Variants in DOCK3 observed in about 807,000 individuals in gnomAD.
DOCK3 encodes dedicator of cytokinesis protein 3.
DOCK3 carries 60 observed loss-of-function variants against 265.6 expected under a neutral mutation model. That is an observed-to-expected ratio of 0.23 (90% CI 0.18 to 0.28). DOCK3 has a LOEUF of 0.28. Ranked by LOEUF, DOCK3 falls within the 10% of genes least tolerant of loss-of-function variation. The pLI, the probability that DOCK3 is intolerant of heterozygous loss-of-function variation, is 1.00. For synonymous variants in DOCK3, 881 were observed against 938.0 expected, an observed-to-expected ratio of 0.94 and a Z score of 1.11; for missense variants, 1,981 against 2,594.3, an observed-to-expected ratio of 0.76 and a Z score of 5.14.
intron 32 of DOCK3, among the ~76,000 whole-genome samples, chr3:51,318,440 A>G (rs1035762804): frequency 1.3e-5 from 2 of 152,156 alleles, no homozygotes; most frequent in South Asian, 2.1e-4. Context: ...TGAAAACAGT[A>G]TATCTTTCCA....
At chr3:51,309,548 C>T (rs1234788982) in intron 27 of DOCK3, among the ~76,000 whole-genome samples, 3 of 152,058 alleles carry the variant, frequency 2.0e-5, no homozygotes, top group Non-Finnish European at 4.4e-5. Flanking sequence ...AGTCCAGCTT[C>T]GGCTCGGCAT....
intron 12 of DOCK3, among the ~76,000 whole-genome samples, chr3:51,183,981 C>T (rs1324337896): frequency 1.3e-5 from 2 of 152,102 alleles, no homozygotes; most frequent in East Asian, 3.8e-4. Flanking sequence ...ATACCTAGAG[C>T]CTAGATCTTG....
At chr3:51,318,261 C>T (rs767942983) in intron 32 of DOCK3, among the ~76,000 whole-genome samples, 26 of 152,130 alleles carry the variant, frequency 1.7e-4, no homozygotes, top group Non-Finnish European at 2.9e-4. Flanking sequence ...TGCCTGTAAT[C>T]CCAGCTACTT....
At chr3:51,058,066 T>G (rs1244720727) in intron 5 of DOCK3, among the ~76,000 whole-genome samples, 3 of 152,186 alleles carry the variant, frequency 2.0e-5, no homozygotes, top group African/African-American at 7.2e-5. Flanking sequence ...AGTTGAGTAT[T>G]GGTAGGGGCT....
intron 12 of DOCK3, among the ~76,000 whole-genome samples, chr3:51,180,226 A>C (rs966418918): frequency 1.1e-5 from 1 of 91,282 alleles, no homozygotes. Flanking sequence ...AAAAAAAAAA[A>C]CACACACACA....
intron 44 of DOCK3, 98 bp from the exon 45 acceptor site, chr3:51,357,660 C>A: frequency 8.4e-7 from 1 of 1,185,132 alleles, no homozygotes; most frequent in Non-Finnish European, 1.2e-6. Context: ...GACAGCCTGG[C>A]TGCTTTTTAG....
At chr3:51,227,873 A>G in intron 16 of DOCK3, 109 bp from the exon 17 acceptor site, 1 of 1,072,284 alleles carries the variant, frequency 9.3e-7, no homozygotes, top group South Asian at 1.4e-5. Flanking sequence ...CCACCTAGTT[A>G]ATGAAAGAGG....
intron 1 of DOCK3, among the ~76,000 whole-genome samples, chr3:50,727,508 G>A (rs1446367154): frequency 1.3e-5 from 2 of 152,058 alleles, no homozygotes; most frequent in Admixed American, 1.3e-4. Context: ...GACCAGCTTG[G>A]CCAACATGGT....
chr3:50,877,310 T>C (rs977085313), intron 3 of DOCK3: 6 of 389,998 alleles, frequency 1.5e-5, no homozygotes, highest in African/African-American at 8.4e-5. Context: ...TTTCTAATGT[T>C]GTGCAATTTT....
At chr3:50,935,974 A>G (rs1161121958) in intron 5 of DOCK3, among the ~76,000 whole-genome samples, 2 of 152,234 alleles carry the variant, frequency 1.3e-5, no homozygotes, top group African/African-American at 4.8e-5. Flanking sequence ...ACAGATGCCA[A>G]TATTGAGATG....
intron 5 of DOCK3, among the ~76,000 whole-genome samples, chr3:50,977,719 G>T (rs913287521): frequency 2.0e-5 from 3 of 152,036 alleles, no homozygotes; most frequent in Non-Finnish European, 2.9e-5. Context: ...AGTTCTCCTG[G>T]AAAATATCCT....
At chr3:51,189,424 C>T in intron 12 of DOCK3, among the ~76,000 whole-genome samples, 1 of 152,030 alleles carries the variant, frequency 6.6e-6, no homozygotes, top group East Asian at 1.9e-4. Flanking sequence ...CCCACCCTCC[C>T]CTTTCTGAGT....
chr3:50,803,542 C>T (rs1352974623), intron 2 of DOCK3, among the ~76,000 whole-genome samples: 1 of 151,732 alleles, frequency 6.6e-6, no homozygotes, highest in Admixed American at 6.6e-5. Flanking sequence ...TTCCACTCAA[C>T]AAAACTGCCA....
intron 2 of DOCK3, among the ~76,000 whole-genome samples, chr3:50,827,822 T>C (rs1001306758): frequency 2.0e-5 from 3 of 152,190 alleles, no homozygotes; most frequent in Admixed American, 1.3e-4. Context: ...TCTCAACTTA[T>C]CCTTTCTTAT....
chr3:50,881,036 A>T (rs1481747209), intron 3 of DOCK3, among the ~76,000 whole-genome samples: 1 of 152,268 alleles, frequency 6.6e-6, no homozygotes, highest in African/African-American at 2.4e-5. Context: ...CCACATGATT[A>T]TCTCAATAGA....
At chr3:50,917,043 TGTC>T (rs894344663) in intron 4 of DOCK3, among the ~76,000 whole-genome samples, 3 of 152,046 alleles carry the variant, frequency 2.0e-5, no homozygotes, top group Admixed American at 6.5e-5. Context: ...TCCAATTACT[TGTC>T]ATAGTAATGA....
At chr3:50,884,957 CAA>C (rs1361223537) in intron 3 of DOCK3, among the ~76,000 whole-genome samples, 3 of 152,004 alleles carry the variant, frequency 2.0e-5, no homozygotes, top group African/African-American at 7.3e-5. Flanking sequence ...AGGGTTTTAC[CAA>C]ATGCACAATG....
chr3:51,056,015 G>A (rs1158911913), intron 5 of DOCK3, among the ~76,000 whole-genome samples: 1 of 152,138 alleles, frequency 6.6e-6, no homozygotes, highest in Non-Finnish European at 1.5e-5. Context: ...AATACATATT[G>A]TATGGATACT....
At chr3:50,749,414 G>A (rs1283156955) in intron 1 of DOCK3, among the ~76,000 whole-genome samples, 1 of 152,162 alleles carries the variant, frequency 6.6e-6, no homozygotes, top group Non-Finnish European at 1.5e-5. Context: ...AAGAAAACAA[G>A]AAGTAAAAGA....
Sources: allele counts gnomAD v4.1 joint callset (sites outside exome capture counted in the v4.1 genomes callset), GRCh38; gene constraint gnomAD v4.1.1; transcripts MANE v1.5; gene names NCBI Gene and HGNC (gene_info 2026-07-23, HGNC 2026-07-21).